Variants in ZNF124 observed in about 807,000 individuals in gnomAD.
The protein encoded by ZNF124 is zinc finger protein HZF-16.
Under a neutral mutation model 26.6 loss-of-function variants are expected in ZNF124, and 25 were observed. The ratio of observed to expected loss-of-function variants is 0.94; its 90% CI spans 0.68 to 1.31. The LOEUF (loss-of-function observed/expected upper bound fraction) is 1.31, where lower values mean the gene tolerates loss of function less well. ZNF124 is among the 40% of genes most tolerant of loss of function. The probability of loss-of-function intolerance (pLI) is 0.00; values close to 1 mark genes in which losing one functional copy is unlikely to be tolerated. For missense variants in ZNF124, 444 were observed against 422.2 expected, an observed-to-expected ratio of 1.05 and a Z score of -0.45; for synonymous variants, 129 against 133.3, an observed-to-expected ratio of 0.97 and a Z score of 0.22.
At chr1:247,169,342 C>A (rs1251424240) in intron 1 of ZNF124, among the ~76,000 whole-genome samples, 4 of 152,304 alleles carry the variant, frequency 2.6e-5, no homozygotes, top group African/African-American at 9.6e-5. Flanking sequence ...CACTGTGGCC[C>A]ACTGTGTGCC....
At chr1:247,134,168 C>G (rs1199208599) in intron 3 of ZNF124, among the ~76,000 whole-genome samples, 2 of 152,074 alleles carry the variant, frequency 1.3e-5, no homozygotes, top group African/African-American at 4.8e-5. Context: ...ATATAAAGAC[C>G]AATGACACTA....
intron 3 of ZNF124, among the ~76,000 whole-genome samples, chr1:247,147,760 C>T (rs1672823884): frequency 6.6e-6 from 1 of 152,132 alleles, no homozygotes; most frequent in Non-Finnish European, 1.5e-5. Flanking sequence ...CTGTCTCCCA[C>T]CCAGACTGGA....
chr1:247,154,139 T>C (rs982461143), downstream of ZNF124, among the ~76,000 whole-genome samples: 4 of 151,938 alleles, frequency 2.6e-5, no homozygotes, highest in African/African-American at 9.7e-5. Flanking sequence ...CACACAGATA[T>C]AAGTTGGCTC....
chr1:247,144,735 C>T (rs1255467416), intron 3 of ZNF124, among the ~76,000 whole-genome samples: 1 of 152,082 alleles, frequency 6.6e-6, no homozygotes, highest in African/African-American at 2.4e-5. Flanking sequence ...ACAAACTAAG[C>T]TAGGGTTGCA....
In ZNF124 at chr1:247,156,278, G is replaced by A; in HGVS notation, c.*288C>T. Reference sequence around the variant, plus strand: ...TTCATAAAGTTTTTCTCTAGAATGAGTTATGTTATACCATCAAATACCACT... The same window carrying A: ...TTCATAAAGTTTTTCTCTAGAATGAATTATGTTATACCATCAAATACCACT... On this transcript the variant is annotated 3_prime_UTR_variant, in exon 4 of 4. Transcript: ENST00000543802. 1 of 1,107,212 alleles carries A rather than the reference G, an allele frequency of 9.0e-7. No homozygotes were observed. 68.6% of individuals were successfully genotyped at this position (1,107,212 alleles called of 1,614,324 possible).
downstream of ZNF124, among the ~76,000 whole-genome samples, chr1:247,154,653 C>A (rs1203721901): frequency 1.3e-5 from 2 of 150,154 alleles, no homozygotes; most frequent in African/African-American, 4.9e-5. Context: ...ACTTACACTT[C>A]ATTACCAAGA....
intron 3 of ZNF124, chr1:247,138,574 C>T: frequency 2.6e-6 from 1 of 387,716 alleles, no homozygotes; most frequent in Non-Finnish European, 4.6e-6. Context: ...TACACGTATC[C>T]CGTTTTCGTT....
intron 3 of ZNF124, among the ~76,000 whole-genome samples, chr1:247,133,395 A>G (rs1258582695): frequency 6.6e-6 from 1 of 152,182 alleles, no homozygotes; most frequent in Non-Finnish European, 1.5e-5. Flanking sequence ...GAACTTCCCC[A>G]ACCTAGCAAG....
At chr1:247,167,970 G>A (rs1490292540) in intron 1 of ZNF124, among the ~76,000 whole-genome samples, 3 of 152,018 alleles carry the variant, frequency 2.0e-5, no homozygotes, top group Non-Finnish European at 2.9e-5. Flanking sequence ...TCACTATCAG[G>A]GAAATGCAAA....
intron 3 of ZNF124, among the ~76,000 whole-genome samples, chr1:247,146,402 C>T (rs576712525): frequency 1.3e-5 from 2 of 152,302 alleles, no homozygotes; most frequent in African/African-American, 4.8e-5. Context: ...AATTGACCCA[C>T]CTCAAAATTG....
intron 1 of ZNF124, among the ~76,000 whole-genome samples, chr1:247,163,881 A>G (rs1292539147): frequency 6.6e-6 from 1 of 152,204 alleles, no homozygotes; most frequent in Non-Finnish European, 1.5e-5. Flanking sequence ...CATAGATGAA[A>G]AATCCACAGA....
intron 1 of ZNF124, among the ~76,000 whole-genome samples, chr1:247,162,605 T>A (rs1673542626): frequency 2.4e-5 from 3 of 125,836 alleles, no homozygotes; most frequent in African/African-American, 3.3e-5. Context: ...ATATAAAATA[T>A]ATTAACCCTT....
intron 1 of ZNF124, among the ~76,000 whole-genome samples, chr1:247,163,336 A>G (rs1344180120): frequency 6.6e-6 from 1 of 152,040 alleles, no homozygotes; most frequent in African/African-American, 2.4e-5. Context: ...AAAAAGCAAA[A>G]GATCAACAAC....
chr1:247,137,627 A>T (rs1370294992), intron 3 of ZNF124, among the ~76,000 whole-genome samples: 3 of 152,130 alleles, frequency 2.0e-5, no homozygotes, highest in Non-Finnish European at 4.4e-5. Flanking sequence ...ATTAAACTAA[A>T]GAGCTTATGC....
chr1:247,162,755 C>T (rs1033105897), intron 1 of ZNF124, among the ~76,000 whole-genome samples: 4 of 152,000 alleles, frequency 2.6e-5, no homozygotes, highest in Non-Finnish European at 5.9e-5. Context: ...ATCCTAAATA[C>T]GTATGCACCC....
At chr1:247,149,482 G>A (rs778819186) in intron 3 of ZNF124, among the ~76,000 whole-genome samples, 1 of 152,174 alleles carries the variant, frequency 6.6e-6, no homozygotes, top group African/African-American at 2.4e-5. Flanking sequence ...TACAGAAATT[G>A]TGATACACAC....
intron 3 of ZNF124, among the ~76,000 whole-genome samples, chr1:247,143,437 A>T (rs1438491357): frequency 6.6e-6 from 1 of 152,074 alleles, no homozygotes; most frequent in African/African-American, 2.4e-5. Flanking sequence ...TGACGGATGA[A>T]CATGTGTCCT....
chr1:247,153,324 CA>C (rs1205062954), downstream of ZNF124, among the ~76,000 whole-genome samples: 1 of 152,256 alleles, frequency 6.6e-6, no homozygotes, highest in East Asian at 1.9e-4. Context: ...CTATTCTTCA[CA>C]AATCTGTGAG....
chr1:247,128,000 AT>A (rs1314563205), intron 3 of ZNF124, among the ~76,000 whole-genome samples: 3 of 152,184 alleles, frequency 2.0e-5, no homozygotes, highest in Non-Finnish European at 4.4e-5. Flanking sequence ...AGGGTCTCAA[AT>A]CCATGACCGT....
Sources: gnomAD v4.1 joint callset for allele counts (sites outside exome capture counted in the v4.1 genomes callset) on GRCh38, gnomAD v4.1.1 for gene constraint, MANE v1.5 for transcripts, NCBI Gene and HGNC (gene_info 2026-07-23, HGNC 2026-07-21) for gene names.